CHST11: variants seen among roughly 807,000 people sequenced by gnomAD.
The protein encoded by CHST11 is carbohydrate sulfotransferase 11.
A neutral mutation model predicts 30.4 loss-of-function variants in CHST11; 9 were observed. The ratio of observed to expected loss-of-function variants is 0.30; its 90% CI spans 0.18 to 0.52. The LOEUF (loss-of-function observed/expected upper bound fraction) is 0.52. CHST11 is among the 20% of genes least tolerant of loss of function. CHST11 has a pLI of 0.97. For synonymous variants in CHST11, 152 were observed against 187.8 expected (o/e 0.81, Z 1.56); for missense variants, 348 against 460.6 (o/e 0.76, Z 2.24).
chr12:104,741,866 C>T (rs941531872), intron 2 of CHST11, among the ~76,000 whole-genome samples: 26 of 152,308 alleles, frequency 1.7e-4, no homozygotes, highest in African/African-American at 3.6e-4. Context: ...CAGGACAGCC[C>T]GACCCACTGA....
chr12:104,536,426 T>C (rs191972415), intron 1 of CHST11, among the ~76,000 whole-genome samples: 1 of 152,318 alleles, frequency 6.6e-6, no homozygotes, highest in East Asian at 1.9e-4. Flanking sequence ...GCACCACAGT[T>C]GTTAGATGTT....
At chr12:104,538,599 A>G (rs2038259899) in intron 1 of CHST11, among the ~76,000 whole-genome samples, 1 of 152,190 alleles carries the variant, frequency 6.6e-6, no homozygotes, top group African/African-American at 2.4e-5. Context: ...CATTTTCTGT[A>G]GCCCACATCC....
At chr12:104,750,602 C>T (rs1159165671) in intron 2 of CHST11, among the ~76,000 whole-genome samples, 3 of 151,200 alleles carry the variant, frequency 2.0e-5, no homozygotes, top group African/African-American at 7.3e-5. Context: ...TGCCACCATG[C>T]CCGGCTAATT....
chr12:104,711,871 G>C (rs550015241), intron 2 of CHST11, among the ~76,000 whole-genome samples: 22 of 152,264 alleles, frequency 1.4e-4, no homozygotes, highest in African/African-American at 5.1e-4. Flanking sequence ...AGGCCACTGA[G>C]GCAGAAGAAG....
intron 2 of CHST11, among the ~76,000 whole-genome samples, chr12:104,669,489 C>T (rs2039671091): frequency 6.6e-6 from 1 of 152,176 alleles, no homozygotes; most frequent in Non-Finnish European, 1.5e-5. Flanking sequence ...ATTCTGAATG[C>T]AGGCCTCCAG....
intron 2 of CHST11, among the ~76,000 whole-genome samples, chr12:104,731,333 A>G (rs2040255945): frequency 1.3e-5 from 2 of 152,190 alleles, no homozygotes; most frequent in Non-Finnish European, 2.9e-5. Context: ...TAAGCAAACC[A>G]AAGCCGAAAG....
At chr12:104,552,308 GTTTTTTATTT>G (rs2038412460) in intron 1 of CHST11, 1 of 152,126 alleles carries the variant, frequency 6.6e-6, no homozygotes, top group African/African-American at 2.4e-5. Context: ...TGTATTTTTT[GTTTTTTATTT>G]TTCTTTGAGA....
chr12:104,566,961 G>A (rs2136020637), intron 1 of CHST11, among the ~76,000 whole-genome samples: 1 of 152,132 alleles, frequency 6.6e-6, no homozygotes, highest in South Asian at 2.1e-4. Flanking sequence ...TTCTTGTAAG[G>A]TGAATGAATA....
At chr12:104,649,316 G>A (rs1424891490) in intron 2 of CHST11, among the ~76,000 whole-genome samples, 1 of 152,110 alleles carries the variant, frequency 6.6e-6, no homozygotes, top group East Asian at 1.9e-4. Context: ...AGCAATATTA[G>A]CTATCCTGTG....
chr12:104,692,814 T>C (rs1201178207), intron 2 of CHST11, among the ~76,000 whole-genome samples: 1 of 151,734 alleles, frequency 6.6e-6, no homozygotes, highest in Non-Finnish European at 1.5e-5. Context: ...TAATGCCTGA[T>C]GATCTGAGGT....
intron 2 of CHST11, among the ~76,000 whole-genome samples, chr12:104,696,482 C>CAAAAAAAAACAA (rs2039946555): frequency 1.4e-5 from 1 of 69,138 alleles, no homozygotes; most frequent in Non-Finnish European, 2.5e-5. Flanking sequence ...GCTAAAAATA[C>CAAAAAAAAACAA]AAAAAAAAAA....
chr12:104,709,141 A>G (rs1333992818), intron 2 of CHST11, among the ~76,000 whole-genome samples: 1 of 152,216 alleles, frequency 6.6e-6, no homozygotes, highest in Non-Finnish European at 1.5e-5. Flanking sequence ...AAACTGCAAA[A>G]CAAAGAAATG....
intron 2 of CHST11, among the ~76,000 whole-genome samples, chr12:104,638,646 T>G (rs2039347727): frequency 6.6e-6 from 1 of 152,220 alleles, no homozygotes. Context: ...AATCCCCTTC[T>G]TTAAGCCTGC....
intron 1 of CHST11, among the ~76,000 whole-genome samples, chr12:104,517,551 A>G (rs1443151040): frequency 2.6e-5 from 4 of 152,186 alleles, no homozygotes; most frequent in Non-Finnish European, 5.9e-5. Flanking sequence ...GTGATTCCAT[A>G]GGCCTGGCCT....
chr12:104,586,756 A>G (rs1287724259), intron 1 of CHST11, among the ~76,000 whole-genome samples: 1 of 152,238 alleles, frequency 6.6e-6, no homozygotes, highest in Admixed American at 6.5e-5. Flanking sequence ...GCAGGCAAGG[A>G]AGGATAAATG....
intron 1 of CHST11, among the ~76,000 whole-genome samples, chr12:104,553,639 C>G (rs940633849): frequency 2.0e-5 from 3 of 151,400 alleles, no homozygotes; most frequent in African/African-American, 7.3e-5. Context: ...CTTAAACCAT[C>G]AGATCTTGAG....
chr12:104,533,455 T>G (rs1378072514), intron 1 of CHST11, among the ~76,000 whole-genome samples: 1 of 152,196 alleles, frequency 6.6e-6, no homozygotes, highest in Admixed American at 6.5e-5. Context: ...AAGTTTAATT[T>G]CCTCTGAGCC....
intron 2 of CHST11, among the ~76,000 whole-genome samples, chr12:104,660,827 C>G (rs61938626): frequency 0.079 from 12,043 of 152,242 alleles, 572 homozygotes; most frequent in South Asian, 0.16. Flanking sequence ...TTTGAGGCCA[C>G]TGGGTGGAGC....
At chr12:104,686,085 T>C (rs998008555) in intron 2 of CHST11, among the ~76,000 whole-genome samples, 2 of 151,964 alleles carry the variant, frequency 1.3e-5, no homozygotes, top group Non-Finnish European at 2.9e-5. Context: ...TTTAAAAAAT[T>C]AGCTGGGCAT....
Sources: gnomAD v4.1 joint callset for allele counts (sites outside exome capture counted in the v4.1 genomes callset) on GRCh38, gnomAD v4.1.1 for gene constraint, MANE v1.5 for transcripts, NCBI Gene and HGNC (gene_info 2026-07-23, HGNC 2026-07-21) for gene names.